The following SPTLC3 variants were observed in gnomAD, a reference collection of about 807,000 sequenced individuals.
SPTLC3 encodes the protein serine palmitoyltransferase 3.
Under a neutral mutation model 59.3 loss-of-function variants are expected in SPTLC3, and 36 were observed. The ratio of observed to expected loss-of-function variants is 0.61; its 90% CI spans 0.47 to 0.80. The LOEUF is 0.80. Among genes scored for constraint, SPTLC3 ranks in the 30% least tolerant of loss-of-function variants. The pLI, the probability that SPTLC3 is intolerant of heterozygous loss-of-function variation, is 0.00. For synonymous variants in SPTLC3, 257 were observed against 240.8 expected, an observed-to-expected ratio of 1.07 and a Z score of -0.62; for missense variants, 625 against 685.1, an observed-to-expected ratio of 0.91 and a Z score of 0.98.
chr20:13,135,869 G>C (rs1415694671), intron 9 of SPTLC3, among the ~76,000 whole-genome samples: 4 of 152,218 alleles, frequency 2.6e-5, no homozygotes, highest in Admixed American at 2.6e-4. Context: ...TGCCAGGCTG[G>C]TGGGATAATC....
At chr20:13,157,933 C>A (rs1018143231) in intron 10 of SPTLC3, among the ~76,000 whole-genome samples, 1 of 152,344 alleles carries the variant, frequency 6.6e-6, no homozygotes. Flanking sequence ...CTCCACATTT[C>A]CTACTATGCA....
At chr20:13,151,663 C>T (rs2038651368) in intron 9 of SPTLC3, among the ~76,000 whole-genome samples, 1 of 152,186 alleles carries the variant, frequency 6.6e-6, no homozygotes, top group African/African-American at 2.4e-5. Context: ...ATTGTTAACA[C>T]AATTAAGGTG....
chr20:13,071,684 G>T (rs149494082), intron 2 of SPTLC3, among the ~76,000 whole-genome samples: 37 of 152,224 alleles, frequency 2.4e-4, no homozygotes, highest in African/African-American at 8.4e-4. Context: ...CAGCTAGATT[G>T]CAGATCCCTT....
chr20:13,135,436 GA>G (rs1361381837), intron 9 of SPTLC3, among the ~76,000 whole-genome samples: 2 of 152,158 alleles, frequency 1.3e-5, no homozygotes, highest in Non-Finnish European at 2.9e-5. Context: ...GTGTTGAAAT[GA>G]AATTGGCACT....
At chr20:13,072,153 G>T (rs1988462530) in intron 2 of SPTLC3, 103 bp from the exon 3 acceptor site, 15 of 1,268,952 alleles carry the variant, frequency 1.2e-5, no homozygotes, top group Non-Finnish European at 1.6e-5. Context: ...ATCTGTAGAT[G>T]TGTTATTTCC....
At chr20:13,158,031 A>T (rs1351865207) in intron 10 of SPTLC3, among the ~76,000 whole-genome samples, 3 of 152,232 alleles carry the variant, frequency 2.0e-5, no homozygotes, top group African/African-American at 7.2e-5. Context: ...GAGCTGTGCA[A>T]TGTGGTTTTA....
chr20:13,128,689 T>C (rs1277994790), intron 9 of SPTLC3, among the ~76,000 whole-genome samples: 1 of 151,880 alleles, frequency 6.6e-6, no homozygotes, highest in Non-Finnish European at 1.5e-5. Context: ...TTTTTTGTTT[T>C]TTGGGTTTTT....
At chr20:13,052,091 G>C (rs538426329) in intron 2 of SPTLC3, among the ~76,000 whole-genome samples, 3 of 152,030 alleles carry the variant, frequency 2.0e-5, no homozygotes, top group Non-Finnish European at 4.4e-5. Context: ...CAAGATGGCC[G>C]AACAGGAACA....
chr20:13,042,389 G>C (rs776167092), intron 1 of SPTLC3, among the ~76,000 whole-genome samples: 2 of 152,184 alleles, frequency 1.3e-5, no homozygotes, highest in African/African-American at 4.8e-5. Context: ...GTAGCTCTAG[G>C]TGGGGCAATA....
Position 13,154,121 on chromosome 20 carries a change from T to C in SPTLC3, c.1398T>C (p.Tyr466=), listed in dbSNP as rs6078938. 0.15 allele frequency: 247,761 copies of C among 1,613,864 alleles called. 19,823 individuals carry two copies. The highest frequency in any genetic ancestry group is 0.22 in the Admixed American group (13,135 of 60,006). ...CTTCTGTTGTTCCTCTGCTTCTTTA[T>C]ATGCCTGGTAAAGTAGCGTAAGTAT... ...ENASVVPLLL[Y]MPGKVAAFAR... Residue 466 remains tyrosine, a synonymous_variant, in exon 10 of 12, where the codon TAT becomes TAC. Transcript: ENST00000399002.
At chr20:13,069,852 A>G (rs1032150649) in intron 2 of SPTLC3, among the ~76,000 whole-genome samples, 3 of 152,232 alleles carry the variant, frequency 2.0e-5, no homozygotes, top group Non-Finnish European at 4.4e-5. Context: ...AAGATTCCTC[A>G]TAAAACCTAA....
At chr20:13,059,392 A>G (rs1439435772) in intron 2 of SPTLC3, among the ~76,000 whole-genome samples, 12 of 152,198 alleles carry the variant, frequency 7.9e-5, no homozygotes, top group Non-Finnish European at 1.8e-4. Flanking sequence ...TCCTCAGGTG[A>G]TACAGATACA....
chr20:13,090,529 T>G (rs1277801666), intron 4 of SPTLC3, among the ~76,000 whole-genome samples: 8 of 152,072 alleles, frequency 5.3e-5, no homozygotes, highest in Non-Finnish European at 1.2e-4. Flanking sequence ...AATTGTGGGG[T>G]TTTTTTGTAA....
intron 1 of SPTLC3, among the ~76,000 whole-genome samples, chr20:13,032,136 C>T (rs1318450068): frequency 6.6e-6 from 1 of 152,032 alleles, no homozygotes; most frequent in East Asian, 1.9e-4. Flanking sequence ...GATATAAAAC[C>T]AATAGTACAT....
chr20:13,144,588 G>A (rs1332952786), intron 9 of SPTLC3, among the ~76,000 whole-genome samples: 1 of 152,170 alleles, frequency 6.6e-6, no homozygotes, highest in East Asian at 1.9e-4. Context: ...GGTGTCTTCA[G>A]TTATTATCAA....
At chr20:13,071,459 G>T (rs773231474) in intron 2 of SPTLC3, among the ~76,000 whole-genome samples, 1 of 152,102 alleles carries the variant, frequency 6.6e-6, no homozygotes, top group Non-Finnish European at 1.5e-5. Flanking sequence ...TGATGCAGAT[G>T]ATTTTGATGT....
In SPTLC3 at chr20:13,141,955, C is replaced by A. The variant is rs1179632026; in HGVS notation, c.1280-12048C>A. Among the ~76,000 whole-genome samples, 7 of 152,292 alleles carry A rather than the reference C, an allele frequency of 4.6e-5. No individual in the cohort carries two copies. In the East Asian group the frequency reaches 1.4e-3, roughly 29 times the overall value. ...CTCTCTGCCTTGCTGTTGCTGCTTA[C>A]CTACATGTGTGACAACTTGGGTTTG... On this transcript the variant is annotated intron_variant, in intron 9 of 11. Coordinates refer to ENST00000399002, the MANE Select transcript of SPTLC3 (RefSeq NM_018327.4).
At position 13,168,820 on chromosome 20, in the gene SPTLC3, G is replaced by C. The variant is rs541297040; in HGVS notation, c.*3953G>C. 59 of 152,272 alleles carry C rather than the reference G, an allele frequency of 3.9e-4. No individual in the cohort carries two copies. Among genetic ancestry groups the C allele is most frequent in the Non-Finnish European group, 7.4e-4 (50 of 68,026 alleles). The allele number at this position is 152,272 out of a possible 1,614,324, so 9.4% of individuals were successfully genotyped here. ...GGTCTCAAAACAGTAAGAACAATTTGAAGTCTGTTCTTTAGAATGCCCTAC... is the reference window on the plus strand; with the variant it reads ...GGTCTCAAAACAGTAAGAACAATTTCAAGTCTGTTCTTTAGAATGCCCTAC... On this transcript the variant is annotated 3_prime_UTR_variant, in exon 12 of 12. Coordinates refer to ENST00000399002, the MANE Select transcript of SPTLC3 (RefSeq NM_018327.4).
At chr20:13,124,979 G>T (rs1413381520) in intron 8 of SPTLC3, among the ~76,000 whole-genome samples, 1 of 152,184 alleles carries the variant, frequency 6.6e-6, no homozygotes, top group East Asian at 1.9e-4. Context: ...TCTGAGCTGT[G>T]CCGTTATTCT....
Sources: gnomAD v4.1 joint callset for allele counts (sites outside exome capture counted in the v4.1 genomes callset) on GRCh38, gnomAD v4.1.1 for gene constraint, MANE v1.5 for transcripts, NCBI Gene and HGNC (gene_info 2026-07-23, HGNC 2026-07-21) for gene names.